CSNK1D: variants seen among roughly 807,000 people sequenced by gnomAD.
CSNK1D encodes the protein casein kinase I isoform delta.
CSNK1D carries 16 observed loss-of-function variants against 46.6 expected under a neutral mutation model. That is an observed-to-expected ratio of 0.34 (90% CI 0.23 to 0.52). CSNK1D has a LOEUF of 0.52. Ranked by LOEUF, CSNK1D falls within the 20% of genes least tolerant of loss-of-function variation. The pLI is 0.95. For synonymous variants in CSNK1D, 276 were observed against 228.2 expected (o/e 1.21, Z -1.89); for missense variants, 398 against 578.4 (o/e 0.69, Z 3.20).
chr17:82,256,456 T>C (rs1442573219), intron 2 of CSNK1D, among the ~76,000 whole-genome samples: 8 of 149,618 alleles, frequency 5.3e-5, no homozygotes, highest in Non-Finnish European at 1.2e-4. Flanking sequence ...GAGGCTGCAG[T>C]GAGCCGTGAT....
At position 82,244,075 on chromosome 17, in the gene CSNK1D, C is replaced by G. The variant is rs547668137; in HGVS notation, c.*706G>C. 49 of 990,266 alleles carry G rather than the reference C, an allele frequency of 4.9e-5. No homozygotes were observed. The African/African-American group carries it at 7.1e-4, about 14-fold the overall frequency. The allele number at this position is 990,266 out of a possible 1,614,324, so 61.3% of individuals were successfully genotyped here. A position where few individuals can be genotyped will look rare whatever the true frequency, so the allele number is the denominator to read the frequency against. On this transcript the variant is annotated 3_prime_UTR_variant, in exon 9 of 9. Transcript: ENST00000314028. ...CAAGAGTTCCTGACAGCAGGCATGT[C>G]AATTACGGGAGGAGGGAGGGTGAGA... is the stretch of plus-strand genomic sequence containing the variant.
intron 2 of CSNK1D, chr17:82,261,060 C>G (rs965034765): frequency 6.5e-6 from 1 of 154,826 alleles, no homozygotes; most frequent in African/African-American, 2.4e-5. Flanking sequence ...CTCCCTACCC[C>G]CCAAATGTCT....
intron 8 of CSNK1D, chr17:82,247,942 C>T (rs1264760642): frequency 2.0e-6 from 2 of 985,360 alleles, no homozygotes; most frequent in Admixed American, 1.2e-4. Flanking sequence ...GAGTGCTCCC[C>T]ACTCCGGCAT....
intron 2 of CSNK1D, among the ~76,000 whole-genome samples, chr17:82,265,144 G>A (rs1380399834): frequency 2.6e-5 from 4 of 151,140 alleles, no homozygotes; most frequent in Admixed American, 1.3e-4. Flanking sequence ...CCAATATGAA[G>A]CAAAATTTAA....
chr17:82,246,876 C>A lies in CSNK1D; in HGVS notation c.1197+1999G>T. On this transcript the variant is annotated intron_variant, in intron 8 of 8. Coordinates refer to ENST00000314028, the MANE Select transcript of CSNK1D (RefSeq NM_001893.6). ...GCCCACGGTGACTGTGTCTCCAGCTCACCCGAGCAAACAGGTGAGGCGCTC... is the reference window on the plus strand; with the variant it reads ...GCCCACGGTGACTGTGTCTCCAGCTAACCCGAGCAAACAGGTGAGGCGCTC... 6 of 985,978 alleles carry A rather than the reference C, an allele frequency of 6.1e-6. No homozygotes were observed. In the South Asian group the frequency reaches 2.3e-4, roughly 39 times the overall value. 61.1% of individuals were successfully genotyped at this position (985,978 alleles called of 1,614,324 possible). A position where few individuals can be genotyped will look rare whatever the true frequency, so the allele number is the denominator to read the frequency against.
At position 82,251,674 on chromosome 17, in the gene CSNK1D, A is replaced by G; in HGVS notation, c.737-147T>C. ...CACCTGTCAGATTTCTAAGACCTGA[A>G]GCCTTGAGAAAGCATCGAAAAGTAT... On this transcript the variant is annotated intron_variant, in intron 5 of 8. Transcript: ENST00000314028. The surrounding 1 kb of genome is among the most constrained non-coding windows in gnomAD (Gnocchi z 4.5). 1 of 871,830 alleles carries G rather than the reference A, an allele frequency of 1.1e-6. No homozygotes were observed. Among genetic ancestry groups the G allele is most frequent in the East Asian group, 2.6e-5 (1 of 38,116 alleles). The allele number at this position is 871,830 out of a possible 1,614,324, so 54.0% of individuals were successfully genotyped here. A position where few individuals can be genotyped will look rare whatever the true frequency, so the allele number is the denominator to read the frequency against.
In CSNK1D at chr17:82,251,851, G is replaced by C; in HGVS notation, c.737-324C>G. ...TGAAAAAAAAAAAAAAAAAGTTCTA[G>C]AGCGTGGTGGCGGGCGCCTGTAGTC... On this transcript the variant is annotated intron_variant, in intron 5 of 8. Coordinates refer to ENST00000314028, the MANE Select transcript of CSNK1D (RefSeq NM_001893.6). This position sits in a 1 kb window ranked among gnomAD's most constrained non-coding sequence, Gnocchi z 4.5. The C allele has an allele frequency of 2.8e-6, 1 of 360,286 alleles. No homozygotes were observed. The highest frequency in any genetic ancestry group is 5.3e-6 in the Non-Finnish European group (1 of 189,846). The allele number at this position is 360,286 out of a possible 1,614,324, so 22.3% of individuals were successfully genotyped here.
At position 82,249,364 on chromosome 17, in the gene CSNK1D, C is replaced by T. The variant is rs1355239236; in HGVS notation, c.1057+67G>A. The T allele has an allele frequency of 2.7e-6, 4 of 1,464,018 alleles. No homozygotes were observed. Among genetic ancestry groups the T allele is most frequent in the Admixed American group, 2.0e-5 (1 of 50,662 alleles). 90.7% of individuals were successfully genotyped at this position (1,464,018 alleles called of 1,614,324 possible). The stretch of plus-strand genomic sequence containing the variant: ...CCACCACCAAGTACCCTGTTGTCCC[C>T]ACCAACCCCAAGACACAAGAAGTCA... On this transcript the variant is annotated intron_variant, in intron 7 of 8. Transcript: ENST00000314028. This position sits in a 1 kb window ranked among gnomAD's most constrained non-coding sequence, Gnocchi z 6.7.
intron 2 of CSNK1D, among the ~76,000 whole-genome samples, chr17:82,257,374 G>C (rs2051199028): frequency 6.6e-6 from 1 of 151,996 alleles, no homozygotes; most frequent in African/African-American, 2.4e-5. Flanking sequence ...CTTTATGAGT[G>C]CTTTCAGTAT....
chr17:82,263,498 T>C (rs2051391409), intron 2 of CSNK1D, among the ~76,000 whole-genome samples: 1 of 152,196 alleles, frequency 6.6e-6, no homozygotes, highest in South Asian at 2.1e-4. Flanking sequence ...GTATCACAAC[T>C]AGGGGCAGGG....
intron 1 of CSNK1D, among the ~76,000 whole-genome samples, chr17:82,269,879 T>C (rs755731859): frequency 6.6e-6 from 1 of 152,252 alleles, no homozygotes; most frequent in African/African-American, 2.4e-5. Flanking sequence ...TGGTCCACAT[T>C]AAGGACACTG....
rs1349066954 is a variant in CSNK1D, at chr17:82,243,581, T to C, written c.*1200A>G. 4 of 985,352 alleles carry C rather than the reference T, an allele frequency of 4.1e-6. No homozygotes were observed. Among genetic ancestry groups the C allele is most frequent in the Non-Finnish European group, 4.8e-6 (4 of 829,960 alleles). 61.0% of individuals were successfully genotyped at this position (985,352 alleles called of 1,614,324 possible). A position where few individuals can be genotyped will look rare whatever the true frequency, so the allele number is the denominator to read the frequency against. ...CCCAACAGAAGGTCACAGCGCAGAC[T>C]CTACTTTCTGGCCGTGAAGGTTCTG... On this transcript the variant is annotated 3_prime_UTR_variant, in exon 9 of 9. Coordinates refer to ENST00000314028, the MANE Select transcript of CSNK1D (RefSeq NM_001893.6).
chr17:82,273,225 C>A lies in CSNK1D; in HGVS notation c.76+81G>T. 2.8e-6 allele frequency: 4 copies of A among 1,425,488 alleles called. No individual in the cohort carries two copies. The highest frequency in any genetic ancestry group is 3.8e-6 in the Non-Finnish European group (4 of 1,043,674). 88.3% of individuals were successfully genotyped at this position (1,425,488 alleles called of 1,614,324 possible). Reference sequence around the variant, plus strand: ...CGCGGAGACCCCGCGGGGGCCACCACTTCCTTCCGCGATCGCGCTTGGTCT... The same window carrying A: ...CGCGGAGACCCCGCGGGGGCCACCAATTCCTTCCGCGATCGCGCTTGGTCT... On this transcript the variant is annotated intron_variant, in intron 1 of 8. Transcript: ENST00000314028. This position sits in a 1 kb window ranked among gnomAD's most constrained non-coding sequence, Gnocchi z 5.1.
At chr17:82,266,335 C>T (rs146423409) in intron 1 of CSNK1D, among the ~76,000 whole-genome samples, 202 of 152,354 alleles carry the variant, frequency 1.3e-3, no homozygotes, top group African/African-American at 4.7e-3. Flanking sequence ...CAGGCAAACA[C>T]CCTCCACCAG....
At chr17:82,269,484 T>C (rs1050946572) in intron 1 of CSNK1D, among the ~76,000 whole-genome samples, 1 of 152,128 alleles carries the variant, frequency 6.6e-6, no homozygotes, top group Non-Finnish European at 1.5e-5. Flanking sequence ...AGGCTGCCTC[T>C]TGAGAAATCA....
At position 82,273,141 on chromosome 17, in the gene CSNK1D, G is replaced by A. The variant is rs1265525759; in HGVS notation, c.76+165C>T. On this transcript the variant is annotated intron_variant, in intron 1 of 8. Transcript: ENST00000314028. This position sits in a 1 kb window ranked among gnomAD's most constrained non-coding sequence, Gnocchi z 5.1. The stretch of plus-strand genomic sequence containing the variant: ...GCTCCCCACTGCCCTCCCCACCCCT[G>A]GCCGCGCTAGCCTAGTGGCCGTTGG... The A allele has an allele frequency of 1.6e-6, 1 of 621,426 alleles. No individual in the cohort carries two copies. The highest frequency in any genetic ancestry group is 2.0e-5 in the African/African-American group (1 of 49,768). The allele number at this position is 621,426 out of a possible 1,614,324, so 38.5% of individuals were successfully genotyped here. A position where few individuals can be genotyped will look rare whatever the true frequency, so the allele number is the denominator to read the frequency against.
At chr17:82,261,589 T>C (rs1046693860) in intron 2 of CSNK1D, among the ~76,000 whole-genome samples, 3 of 152,182 alleles carry the variant, frequency 2.0e-5, no homozygotes, top group African/African-American at 7.2e-5. Flanking sequence ...ATAATTTCAT[T>C]ATTTGGATTT....
chr17:82,247,859 T>C, intron 8 of CSNK1D: 2 of 985,440 alleles, frequency 2.0e-6, no homozygotes, highest in Non-Finnish European at 2.4e-6. Flanking sequence ...AAAAGGTCTG[T>C]TTCTAGTGAA....
Position 82,251,752 on chromosome 17 carries a change from A to G in CSNK1D, c.737-225T>C. The G allele has an allele frequency of 1.8e-6, 1 of 550,722 alleles. No homozygotes were observed. The highest frequency in any genetic ancestry group is 1.8e-5 in the South Asian group (1 of 54,914). 34.1% of individuals were successfully genotyped at this position (550,722 alleles called of 1,614,324 possible). On this transcript the variant is annotated intron_variant, in intron 5 of 8. Coordinates refer to ENST00000314028, the MANE Select transcript of CSNK1D (RefSeq NM_001893.6). The surrounding 1 kb of genome is among the most constrained non-coding windows in gnomAD (Gnocchi z 4.5). ...ACGCCTGTCACCCCAGCACTCTAGGAGGCTGAGGAGGGCGGATCACGAGGT... is the reference window on the plus strand; with the variant it reads ...ACGCCTGTCACCCCAGCACTCTAGGGGGCTGAGGAGGGCGGATCACGAGGT...
Sources: allele counts gnomAD v4.1 joint callset (sites outside exome capture counted in the v4.1 genomes callset), GRCh38; gene constraint gnomAD v4.1.1; non-coding constraint Gnocchi (gnomAD v3.1); transcripts MANE v1.5; gene names NCBI Gene and HGNC (gene_info 2026-07-23, HGNC 2026-07-21).